HTR4: variants seen among roughly 807,000 people sequenced by gnomAD.
HTR4 encodes 5-hydroxytryptamine (serotonin) receptor 4, G protein-coupled.
Under a neutral mutation model 36.8 loss-of-function variants are expected in HTR4, and 16 were observed. The ratio of observed to expected loss-of-function variants is 0.43; its 90% CI spans 0.29 to 0.66. The LOEUF (loss-of-function observed/expected upper bound fraction) is 0.66. HTR4 is among the 30% of genes least tolerant of loss of function. HTR4 has a pLI of 0.13. For missense variants in HTR4, 438 were observed against 490.9 expected (o/e 0.89, Z 1.02); for synonymous variants, 189 against 185.1 (o/e 1.02, Z -0.17).
chr5:148,576,123 A>AAAAACAAAAC (rs1554097008), intron 2 of HTR4, among the ~76,000 whole-genome samples: 1 of 145,858 alleles, frequency 6.9e-6, no homozygotes, highest in Non-Finnish European at 1.5e-5. Context: ...AAAAAAAAAA[A>AAAAACAAAAC]AAAAAAAAAA....
At position 148,524,157 on chromosome 5, in the gene HTR4, G is replaced by A. The variant is rs933290998; in HGVS notation, c.354-811C>T. Among the ~76,000 whole-genome samples the A allele has an allele frequency of 3.0e-4, 45 of 152,118 alleles. 1 individual carries two copies. Among genetic ancestry groups the A allele is most frequent in the African/African-American group, 1.1e-3 (44 of 41,418 alleles). On this transcript the variant is annotated intron_variant, in intron 4 of 6. Transcript: ENST00000377888. Reference sequence around the variant, plus strand: ...ACCTGGAGCTTGCATGTTGACAAGTGTGAGTTATTACTAAGTGTGAGTTAT... The same window carrying A: ...ACCTGGAGCTTGCATGTTGACAAGTATGAGTTATTACTAAGTGTGAGTTAT...
chr5:148,484,031 G>T (rs1336798636), intron 6 of HTR4, among the ~76,000 whole-genome samples: 1 of 151,206 alleles, frequency 6.6e-6, no homozygotes, highest in South Asian at 2.1e-4. Flanking sequence ...TTGTTATATC[G>T]GTTTGGTATC....
intron 2 of HTR4, among the ~76,000 whole-genome samples, chr5:148,553,321 A>G (rs938845484): frequency 7.9e-5 from 12 of 152,182 alleles, no homozygotes; most frequent in African/African-American, 2.9e-4. Flanking sequence ...AGGTTATCAC[A>G]GGTTGTGAGG....
chr5:148,468,224 A>G (rs1755480579), intron 5 of HTR4, among the ~76,000 whole-genome samples: 1 of 152,168 alleles, frequency 6.6e-6, no homozygotes, highest in Non-Finnish European at 1.5e-5. Flanking sequence ...AACCAGGAAG[A>G]GAGGGCTTAT....
At chr5:148,633,397 T>A (rs912557073) in intron 2 of HTR4, among the ~76,000 whole-genome samples, 1 of 151,846 alleles carries the variant, frequency 6.6e-6, no homozygotes, top group Admixed American at 6.6e-5. Flanking sequence ...TTTTTTATTA[T>A]ACTTTAAGTT....
chr5:148,550,333 A>G (rs1437981759), intron 2 of HTR4, 71 bp from the exon 3 acceptor site: 4 of 1,572,936 alleles, frequency 2.5e-6, no homozygotes, highest in South Asian at 2.2e-5. Flanking sequence ...TCGTCTTTTC[A>G]TCATTGACCT....
chr5:148,606,529 A>G (rs999320288), intron 2 of HTR4, among the ~76,000 whole-genome samples: 8 of 152,212 alleles, frequency 5.3e-5, no homozygotes, highest in African/African-American at 1.4e-4. Context: ...AACTCCACCA[A>G]AACTGACTCC....
At chr5:148,541,051 T>A (rs938571264) in intron 4 of HTR4, among the ~76,000 whole-genome samples, 21 of 152,182 alleles carry the variant, frequency 1.4e-4, no homozygotes, top group African/African-American at 5.1e-4. Flanking sequence ...AACTGAACAA[T>A]AAACACTCAG....
intron 4 of HTR4, among the ~76,000 whole-genome samples, chr5:148,533,373 T>C (rs1318644183): frequency 6.6e-6 from 1 of 152,254 alleles, no homozygotes; most frequent in African/African-American, 2.4e-5. Flanking sequence ...TAAAATCTGC[T>C]TTTGTAGACC....
intron 4 of HTR4, among the ~76,000 whole-genome samples, chr5:148,531,448 CT>C (rs915602616): frequency 5.9e-5 from 9 of 152,152 alleles, no homozygotes; most frequent in African/African-American, 1.9e-4. Context: ...TGAGATGTGC[CT>C]TTCCCCTTCT....
At chr5:148,570,298 G>A (rs1760622108) in intron 2 of HTR4, among the ~76,000 whole-genome samples, 1 of 152,132 alleles carries the variant, frequency 6.6e-6, no homozygotes, top group African/African-American at 2.4e-5. Context: ...GCACTGAGAA[G>A]AGGAAGCAGG....
intron 4 of HTR4, among the ~76,000 whole-genome samples, chr5:148,537,610 T>C (rs1437951089): frequency 1.3e-5 from 2 of 152,116 alleles, no homozygotes; most frequent in Non-Finnish European, 2.9e-5. Context: ...TAAAGACCTC[T>C]ATGCACACTA....
chr5:148,488,179 TTC>T (rs1316669782), intron 6 of HTR4, among the ~76,000 whole-genome samples: 1 of 152,218 alleles, frequency 6.6e-6, no homozygotes, highest in Non-Finnish European at 1.5e-5. Flanking sequence ...TCAACCAGAA[TTC>T]TACTAAGGCT....
chr5:148,576,319 G>T (rs1055704581), intron 2 of HTR4, among the ~76,000 whole-genome samples: 5 of 151,658 alleles, frequency 3.3e-5, no homozygotes, highest in African/African-American at 1.2e-4. Flanking sequence ...AGAAATCAGA[G>T]AAGGCGTAAC....
At chr5:148,460,200 A>G (rs1325711852) in intron 5 of HTR4, among the ~76,000 whole-genome samples, 3 of 152,212 alleles carry the variant, frequency 2.0e-5, no homozygotes, top group East Asian at 3.9e-4. Flanking sequence ...AAAAGAAAAT[A>G]GAAAGAAACA....
At chr5:148,647,839 A>G (rs1753919295) in intron 1 of HTR4, among the ~76,000 whole-genome samples, 1 of 152,080 alleles carries the variant, frequency 6.6e-6, no homozygotes, top group South Asian at 2.1e-4. Context: ...ACAGAGCGAG[A>G]CTCCATCTCA....
chr5:148,492,041 C>A (rs559888803), intron 6 of HTR4, among the ~76,000 whole-genome samples: 2 of 152,326 alleles, frequency 1.3e-5, no homozygotes, highest in East Asian at 3.9e-4. Context: ...CACACTGCCT[C>A]TATCTTTGAC....
At chr5:148,653,996 G>C in intron 1 of HTR4, 66 bp downstream of exon 1, 6 of 861,466 alleles carry the variant, frequency 7.0e-6, no homozygotes, top group Non-Finnish European at 5.6e-6. Context: ...CCCCGCCCCC[G>C]CCGCGTCCCC....
intron 5 of HTR4, among the ~76,000 whole-genome samples, chr5:148,458,989 C>T (rs1755196779): frequency 6.6e-6 from 1 of 152,162 alleles, no homozygotes; most frequent in African/African-American, 2.4e-5. Flanking sequence ...TTAGTAGCTT[C>T]AGGTAACACA....
Sources: allele counts gnomAD v4.1 joint callset (sites outside exome capture counted in the v4.1 genomes callset), GRCh38; gene constraint gnomAD v4.1.1; transcripts MANE v1.5; gene names NCBI Gene and HGNC (gene_info 2026-07-23, HGNC 2026-07-21).